The following TBC1D5 variants were observed in gnomAD, a reference collection of about 807,000 sequenced individuals.
The protein encoded by TBC1D5 is TBC1 domain family, member 5.
In TBC1D5, 75 loss-of-function variants were observed where a neutral mutation model predicts 100.3. The ratio of observed to expected loss-of-function variants is 0.75; its 90% confidence interval spans 0.62 to 0.91. TBC1D5 has a LOEUF of 0.91. Ranked by LOEUF, TBC1D5 falls within the 40% of genes least tolerant of loss-of-function variation. TBC1D5 has a pLI of 0.00. For synonymous variants in TBC1D5, 323 were observed against 325.6 expected (o/e 0.99, Z 0.09); for missense variants, 910 against 942.4 (o/e 0.97, Z 0.45).
intron 14 of TBC1D5, among the ~76,000 whole-genome samples, chr3:17,297,592 CT>C (rs2082388516): frequency 6.7e-6 from 1 of 148,792 alleles, no homozygotes; most frequent in Non-Finnish European, 1.5e-5. Flanking sequence ...AAAAAAATTT[CT>C]TTTTTGGAGA....
rs114849030 is a variant in TBC1D5, at chr3:17,473,089, C to T, written c.97+35385G>A. ...CTAAAATGTACAGAATATAAATCAA[C>T]TAACACATTGGTTTTCATGAAGTGT... On this transcript the variant is annotated intron_variant, in intron 3 of 21. Coordinates refer to ENST00000253692, the Ensembl canonical transcript of TBC1D5. 9.7e-3 allele frequency among the ~76,000 whole-genome samples: 1,483 copies of T among 152,280 alleles called. 14 individuals are homozygous for T. Among genetic ancestry groups the T allele is most frequent in the Non-Finnish European group, 0.017 (1,130 of 68,016 alleles).
At position 17,552,997 on chromosome 3, in the gene TBC1D5, G is replaced by C. The variant is rs143559271; in HGVS notation, c.-35-44392C>G. ...TGTTTTAGCCTGAAATCCTGCCTGG[G>C]AGACAGAAAATATACTGTTATTATA... On this transcript the variant is annotated intron_variant, in intron 2 of 21. Transcript: ENST00000253692. 1.5e-4 allele frequency among the ~76,000 whole-genome samples: 23 copies of C among 152,190 alleles called. No individual in the cohort carries two copies. In the East Asian group the frequency reaches 4.2e-3, roughly 28 times the overall value.
rs544590807 is a variant in TBC1D5 at position 17,516,272 on chromosome 3, C to T, written c.-35-7667G>A. On this transcript the variant is annotated intron_variant, in intron 2 of 21. Transcript: ENST00000253692. ...TGCCTCTGGGCTTGGCAAAAACATA[C>T]TTTTTTATTAGAATAAGTTTTTTTT... 2.6e-5 allele frequency among the ~76,000 whole-genome samples: 4 copies of T among 152,196 alleles called. No individual in the cohort carries two copies. The South Asian group carries it at 8.3e-4, about 32-fold the overall frequency.
intron 18 of TBC1D5, among the ~76,000 whole-genome samples, chr3:17,189,339 C>T (rs1368256942): frequency 6.6e-6 from 1 of 152,102 alleles, no homozygotes; most frequent in East Asian, 1.9e-4. Flanking sequence ...CTTAAGAGCC[C>T]ATCACCGTCT....
chr3:17,412,839 T>C (rs11918387), intron 4 of TBC1D5, among the ~76,000 whole-genome samples: 10,480 of 152,058 alleles, frequency 0.069, 715 homozygotes, highest in African/African-American at 0.18. Flanking sequence ...AACATGGAAG[T>C]AACCACTAAA....
intron 20 of TBC1D5, among the ~76,000 whole-genome samples, 153 bp downstream of exon 21, chr3:17,167,596 G>A (rs189374960): frequency 2.6e-5 from 4 of 152,326 alleles, no homozygotes; most frequent in African/African-American, 7.2e-5. Context: ...AGCAGCGGGG[G>A]CACAAAGAGG....
intron 10 of TBC1D5, among the ~76,000 whole-genome samples, chr3:17,375,132 T>C (rs919426313): frequency 6.6e-6 from 1 of 152,196 alleles, no homozygotes; most frequent in Non-Finnish European, 1.5e-5. Flanking sequence ...TTTATTTTAC[T>C]TTTTAACAGA....
intron 18 of TBC1D5, among the ~76,000 whole-genome samples, chr3:17,206,888 T>G (rs901689723): frequency 1.3e-5 from 2 of 152,332 alleles, no homozygotes; most frequent in African/African-American, 2.4e-5. Context: ...CTGGTGTGCT[T>G]AAATATTATA....
chr3:17,711,323 A>G (rs117608338), intron 1 of TBC1D5, among the ~76,000 whole-genome samples: 2,520 of 152,304 alleles, frequency 0.017, 53 homozygotes, highest in South Asian at 0.047. Flanking sequence ...TACATGCAAA[A>G]GAATACATGT....
intron 3 of TBC1D5, among the ~76,000 whole-genome samples, chr3:17,440,313 C>CA (rs1284052145): frequency 1.1e-4 from 16 of 150,436 alleles, no homozygotes; most frequent in East Asian, 1.9e-4. Flanking sequence ...CTTTATCCCC[C>CA]AAAAAAAAAC....
intron 18 of TBC1D5, among the ~76,000 whole-genome samples, chr3:17,189,014 A>C (rs2069520030): frequency 6.6e-6 from 1 of 152,182 alleles, no homozygotes; most frequent in African/African-American, 2.4e-5. Context: ...TGAAATAGAC[A>C]CAGCTGGGTT....
intron 16 of TBC1D5, among the ~76,000 whole-genome samples, chr3:17,239,738 T>C (rs1212765852): frequency 6.7e-6 from 1 of 149,598 alleles, no homozygotes; most frequent in Non-Finnish European, 1.5e-5. Context: ...GCCTGGCAAA[T>C]AGAGGGCACC....
chr3:17,697,518 G>C (rs1029820564), intron 1 of TBC1D5, among the ~76,000 whole-genome samples: 4 of 152,124 alleles, frequency 2.6e-5, no homozygotes, highest in African/African-American at 9.7e-5. Flanking sequence ...GCTACCAAGA[G>C]AATAAAATGC....
intron 18 of TBC1D5, among the ~76,000 whole-genome samples, chr3:17,206,499 G>C (rs887486955): frequency 6.6e-6 from 1 of 152,100 alleles, no homozygotes; most frequent in African/African-American, 2.4e-5. Context: ...TCATTTATCT[G>C]ACACTTTTTG....
At chr3:17,302,342 T>C (rs2082936423) in intron 14 of TBC1D5, among the ~76,000 whole-genome samples, 1 of 152,170 alleles carries the variant, frequency 6.6e-6, no homozygotes, top group Admixed American at 6.5e-5. Context: ...CAAATTTCCT[T>C]CTTCTTATGA....
chr3:17,325,953 T>C (rs1489001667), intron 13 of TBC1D5, among the ~76,000 whole-genome samples: 3 of 152,006 alleles, frequency 2.0e-5, no homozygotes, highest in East Asian at 1.9e-4. Flanking sequence ...AAATGGTAAA[T>C]AGAGAATTTT....
chr3:17,316,236 T>C (rs17200781), intron 13 of TBC1D5, among the ~76,000 whole-genome samples: 2,517 of 152,304 alleles, frequency 0.017, 52 homozygotes, highest in South Asian at 0.047. Flanking sequence ...CAAAATTACT[T>C]TCCCTGATCG....
chr3:17,634,213 C>CAT (rs2063717304), intron 1 of TBC1D5, among the ~76,000 whole-genome samples: 1 of 152,146 alleles, frequency 6.6e-6, no homozygotes, highest in Non-Finnish European at 1.5e-5. Flanking sequence ...CCAGCAATCC[C>CAT]ACTGCTGGGT....
intron 1 of TBC1D5, among the ~76,000 whole-genome samples, chr3:17,683,387 A>C (rs2069771596): frequency 6.6e-6 from 1 of 151,362 alleles, no homozygotes; most frequent in Non-Finnish European, 1.5e-5. Flanking sequence ...CGAGGCAAAC[A>C]CTATCCCCAA....
Sources: gnomAD v4.1 joint callset for allele counts (sites outside exome capture counted in the v4.1 genomes callset) on GRCh38, gnomAD v4.1.1 for gene constraint, MANE v1.5 for transcripts, NCBI Gene and HGNC (gene_info 2026-07-23, HGNC 2026-07-21) for gene names.